RFTN2: variants seen among roughly 807,000 people sequenced by gnomAD.
The protein encoded by RFTN2 is raftlin-2.
In RFTN2, 34 loss-of-function variants were observed where a neutral mutation model predicts 52.7. The observed-to-expected ratio is 0.64, with a 90% CI of 0.49 to 0.86. The LOEUF (loss-of-function observed/expected upper bound fraction) is 0.86. RFTN2 is among the 40% of genes least tolerant of loss of function. The probability of loss-of-function intolerance (pLI) is 0.00; values close to 1 mark genes in which losing one functional copy is unlikely to be tolerated. For synonymous variants in RFTN2, 203 were observed against 217.7 expected, an observed-to-expected ratio of 0.93 and a Z score of 0.59; for missense variants, 536 against 600.1, an observed-to-expected ratio of 0.89 and a Z score of 1.12.
At chr2:197,651,321 C>T (rs1433575154) in intron 1 of RFTN2, among the ~76,000 whole-genome samples, 3 of 152,072 alleles carry the variant, frequency 2.0e-5, no homozygotes, top group African/African-American at 7.2e-5. Flanking sequence ...GTGTCATATC[C>T]AAGAAATCAT....
At chr2:197,664,032 C>T (rs1012050161) in intron 1 of RFTN2, among the ~76,000 whole-genome samples, 1 of 152,104 alleles carries the variant, frequency 6.6e-6, no homozygotes, top group Non-Finnish European at 1.5e-5. Context: ...AAATTTCCTT[C>T]TTAATTTCTT....
At chr2:197,588,721 T>A (rs988384544) in intron 8 of RFTN2, among the ~76,000 whole-genome samples, 2 of 152,216 alleles carry the variant, frequency 1.3e-5, no homozygotes, top group Non-Finnish European at 2.9e-5. Context: ...ATATGGTAAA[T>A]GTCTGTTTAA....
At chr2:197,591,755 G>C (rs2087718063) in intron 8 of RFTN2, among the ~76,000 whole-genome samples, 1 of 152,190 alleles carries the variant, frequency 6.6e-6, no homozygotes, top group African/African-American at 2.4e-5. Context: ...TGGGAGGGCT[G>C]GCACTGCTGT....
At chr2:197,581,218 A>C (rs924452854) in intron 8 of RFTN2, among the ~76,000 whole-genome samples, 3 of 152,200 alleles carry the variant, frequency 2.0e-5, no homozygotes, top group African/African-American at 7.2e-5. Context: ...TACCTGTCCC[A>C]AAACCGGACA....
rs1463457043 is a variant in RFTN2, at chr2:197,633,950, T to C, written c.486A>G (p.Ser162=). The C allele has an allele frequency of 6.2e-7, 1 of 1,613,386 alleles. No individual in the cohort carries two copies. The highest frequency in any genetic ancestry group is 1.7e-5 in the Admixed American group (1 of 59,978). The change falls in exon 4 of 9, where the codon TCA becomes TCG. Residue 162 remains serine (S), a synonymous_variant. Transcript: ENST00000295049. ...KRGMKFVGFI[S]QHYSPSKFCN... Reference sequence around the variant, plus strand: ...AGAATTTAGATGGAGAATAATGCTGTGATATGAATCCAACAAATTTCATTC... The same window carrying C: ...AGAATTTAGATGGAGAATAATGCTGCGATATGAATCCAACAAATTTCATTC...
chr2:197,622,439 C>G (rs932538213), intron 5 of RFTN2, among the ~76,000 whole-genome samples: 3 of 152,070 alleles, frequency 2.0e-5, no homozygotes, highest in African/African-American at 7.2e-5. Flanking sequence ...CCAAGTAGCT[C>G]AGATTATAGG....
rs376333086 is a variant in RFTN2 at position 197,575,720 on chromosome 2, C to T, written c.1234-3440G>A. ...TTCAAGGCCAGCTTAGGCAACATGG[C>T]GAGACCTCAGGTCATATATGTATAT... is the stretch of plus-strand genomic sequence containing the variant. On this transcript the variant is annotated intron_variant, in intron 8 of 8. Coordinates refer to ENST00000295049, the MANE Select transcript of RFTN2 (RefSeq NM_144629.3). Among the ~76,000 whole-genome samples the T allele has an allele frequency of 2.3e-4, 32 of 140,214 alleles. 1 individual carries two copies. Among genetic ancestry groups the T allele is most frequent in the East Asian group, 6.2e-4 (3 of 4,804 alleles). The allele number at this position is 140,214 out of a possible 152,430, so 92.0% of individuals were successfully genotyped here.
intron 2 of RFTN2, among the ~76,000 whole-genome samples, chr2:197,644,566 TATATC>T (rs1350164508): frequency 6.6e-6 from 1 of 152,238 alleles, no homozygotes; most frequent in Non-Finnish European, 1.5e-5. Context: ...AGATTGTTGT[TATATC>T]TTATCGAACA....
intron 1 of RFTN2, among the ~76,000 whole-genome samples, chr2:197,647,646 A>T (rs138709406): frequency 4.0e-4 from 61 of 152,360 alleles, no homozygotes; most frequent in Non-Finnish European, 7.5e-4. Context: ...TTTTAAGTTT[A>T]TCTGGGAAGC....
chr2:197,580,182 C>G (rs1202963023), intron 8 of RFTN2, among the ~76,000 whole-genome samples: 1 of 152,128 alleles, frequency 6.6e-6, no homozygotes, highest in Non-Finnish European at 1.5e-5. Flanking sequence ...AAAAAAGCCC[C>G]CCAAATTAAA....
intron 1 of RFTN2, among the ~76,000 whole-genome samples, chr2:197,662,966 A>G (rs543940433): frequency 1.3e-5 from 2 of 151,858 alleles, no homozygotes; most frequent in African/African-American, 4.8e-5. Context: ...GTTTTCTTGT[A>G]GTTGTGGGTT....
In RFTN2 at chr2:197,611,055, G is replaced by A. The variant is rs547360090; in HGVS notation, c.1154+4821C>T. ...GAGCTTCATATCATTGTTCATCAGGGATATTGGCCTAAAATATTCTTTTTT... is the reference window on the plus strand; with the variant it reads ...GAGCTTCATATCATTGTTCATCAGGAATATTGGCCTAAAATATTCTTTTTT... On this transcript the variant is annotated intron_variant, in intron 7 of 8. Transcript: ENST00000295049. Among the ~76,000 whole-genome samples the A allele has an allele frequency of 1.1e-3, 166 of 152,302 alleles. No individual in the cohort carries two copies. The Middle Eastern group carries it at 0.014, about 12-fold the overall frequency.
chr2:197,655,108 A>G (rs775758722), intron 1 of RFTN2, among the ~76,000 whole-genome samples: 25 of 152,312 alleles, frequency 1.6e-4, no homozygotes, highest in Non-Finnish European at 2.9e-4. Flanking sequence ...ACCAATAACA[A>G]TAATGAAGTC....
At chr2:197,603,251 C>A (rs982545633) in intron 7 of RFTN2, among the ~76,000 whole-genome samples, 3 of 152,144 alleles carry the variant, frequency 2.0e-5, no homozygotes, top group Non-Finnish European at 2.9e-5. Context: ...TCACTCTTTC[C>A]TTTCTACACT....
chr2:197,647,465 T>C (rs1211490171), intron 1 of RFTN2, among the ~76,000 whole-genome samples: 1 of 152,184 alleles, frequency 6.6e-6, no homozygotes. Flanking sequence ...CTGCCTTGGC[T>C]TCCCAAAGTG....
chr2:197,594,999 G>T lies in RFTN2; in HGVS notation c.1233+992C>A, dbSNP rs570902691. 4.6e-5 allele frequency among the ~76,000 whole-genome samples: 7 copies of T among 152,304 alleles called. No homozygotes were observed. In the South Asian group the frequency reaches 1.5e-3, roughly 32 times the overall value. ...TTTTCTTGATTTAGATACAGAAAAA[G>T]AATCACTTTAAATAGTTTTCTGGTC... On this transcript the variant is annotated intron_variant, in intron 8 of 8. Transcript: ENST00000295049.
In RFTN2 at chr2:197,667,826, G is replaced by A. The variant is rs1194673197; in HGVS notation, c.139+7494C>T. ...CAGTCTTTGGGCCCCAGTGGTGGCA[G>A]CAGTGGGTTGAGCATGCCTGTCTTT... On this transcript the variant is annotated intron_variant, in intron 1 of 8. Coordinates refer to ENST00000295049, the MANE Select transcript of RFTN2 (RefSeq NM_144629.3). 7.2e-5 allele frequency among the ~76,000 whole-genome samples: 11 copies of A among 152,318 alleles called. No homozygotes were observed. In the East Asian group the frequency reaches 2.1e-3, roughly 29 times the overall value.
chr2:197,605,055 C>T (rs1484966534), intron 7 of RFTN2, among the ~76,000 whole-genome samples: 1 of 152,066 alleles, frequency 6.6e-6, no homozygotes, highest in South Asian at 2.1e-4. Context: ...CCACACCCAG[C>T]GTGTGTTTTA....
intron 3 of RFTN2, among the ~76,000 whole-genome samples, chr2:197,638,984 C>A (rs1192955029): frequency 6.8e-6 from 1 of 148,118 alleles, no homozygotes; most frequent in African/African-American, 2.5e-5. Context: ...TATTTTATTT[C>A]TCCTTCACTT....
Sources: gnomAD v4.1 joint callset for allele counts (sites outside exome capture counted in the v4.1 genomes callset) on GRCh38, gnomAD v4.1.1 for gene constraint, MANE v1.5 for transcripts, NCBI Gene and HGNC (gene_info 2026-07-23, HGNC 2026-07-21) for gene names.